Variants in EVI5L observed in about 807,000 individuals in gnomAD.
EVI5L encodes EVI5-like protein.
Under a neutral mutation model 106.1 loss-of-function variants are expected in EVI5L, and 30 were observed. The observed-to-expected ratio is 0.28, with a 90% CI of 0.21 to 0.38. The LOEUF (loss-of-function observed/expected upper bound fraction) is 0.38, where lower values mean the gene tolerates loss of function less well. Ranked by LOEUF, EVI5L falls within the 10% of genes least tolerant of loss-of-function variation. The pLI, the probability that EVI5L is intolerant of heterozygous loss-of-function variation, is 1.00. For missense variants in EVI5L, 809 were observed against 1,098.0 expected, an observed-to-expected ratio of 0.74 and a Z score of 3.72; for synonymous variants, 489 against 483.3, an observed-to-expected ratio of 1.01 and a Z score of -0.15.
chr19:7,845,495 C>A lies in EVI5L; in HGVS notation c.-47-1001C>A, dbSNP rs1198853238. Among the ~76,000 whole-genome samples, 1 of 152,176 alleles carries A rather than the reference C, an allele frequency of 6.6e-6. No homozygotes were observed. Among genetic ancestry groups the A allele is most frequent in the Non-Finnish European group, 1.5e-5 (1 of 68,036 alleles). On this transcript the variant is annotated intron_variant, in intron 1 of 19. Transcript: ENST00000538904. The surrounding 1 kb of genome is among the most constrained non-coding windows in gnomAD (Gnocchi z 4.0). ...TGGGGCCATCACTGAGTGTCAGGCT[C>A]TGTTCTGACCAGGTTATGTGCAGTC...
rs1271163480 is a variant in EVI5L at position 7,863,587 on chromosome 19, C to T, written c.2303C>T (p.Pro768Leu). The change falls in exon 20 of 20, where the codon CCG becomes CTG. Residue 768 changes from proline to leucine, a missense_variant. By Grantham distance (98) the Pro-to-Leu change is moderately conservative. Transcript: ENST00000538904. This position sits in a 1 kb window ranked among gnomAD's most constrained non-coding sequence, Gnocchi z 7.7. Reference protein sequence around the residue: ...ALQDALYPLSPRDARFFRRLE... With the variant: ...ALQDALYPLSLRDARFFRRLE... ...CAGGACGCATTGTACCCTCTGTCCCCGCGCGATGCGCGCTTCTTCCGCCGT... is the reference window on the plus strand; with the variant it reads ...CAGGACGCATTGTACCCTCTGTCCCTGCGCGATGCGCGCTTCTTCCGCCGT... 1.3e-6 allele frequency: 2 copies of T among 1,585,304 alleles called. No individual in the cohort carries two copies. The highest frequency in any genetic ancestry group is 8.6e-7 in the Non-Finnish European group (1 of 1,166,648).
In EVI5L at chr19:7,846,429, G is replaced by A. The variant is rs536593042; in HGVS notation, c.-47-67G>A. 237 of 1,403,652 alleles carry A rather than the reference G, an allele frequency of 1.7e-4. 1 individual carries two copies. Among genetic ancestry groups the A allele is most frequent in the African/African-American group, 1.7e-4 (12 of 69,070 alleles). The allele number at this position is 1,403,652 out of a possible 1,614,324, so 86.9% of individuals were successfully genotyped here. A position where few individuals can be genotyped will look rare whatever the true frequency, so the allele number is the denominator to read the frequency against. ...GAAGCCCAGGGTGAGGAAATGTCCC[G>A]AGGGTGGGCAGGCAGGATGGAGTGG... On this transcript the variant is annotated intron_variant, in intron 1 of 19. Transcript: ENST00000538904.
In EVI5L at chr19:7,857,988, T is replaced by G; in HGVS notation, c.1234-203T>G. On this transcript the variant is annotated intron_variant, in intron 12 of 19. Coordinates refer to ENST00000538904, the MANE Select transcript of EVI5L (RefSeq NM_001159944.3). The surrounding 1 kb of genome is among the most constrained non-coding windows in gnomAD (Gnocchi z 4.5). ...GCTAGCTCTGTTCCTCCCGGGCTCCTCCAGGTGTCCTATTCCTGCCTGTCA... is the reference window on the plus strand; with the variant it reads ...GCTAGCTCTGTTCCTCCCGGGCTCCGCCAGGTGTCCTATTCCTGCCTGTCA... 1.7e-6 allele frequency: 1 copy of G among 594,652 alleles called. No homozygotes were observed. The highest frequency in any genetic ancestry group is 3.0e-6 in the Non-Finnish European group (1 of 338,396). 36.8% of individuals were successfully genotyped at this position (594,652 alleles called of 1,614,324 possible). A position where few individuals can be genotyped will look rare whatever the true frequency, so the allele number is the denominator to read the frequency against.
rs764314362 is a variant in EVI5L, at chr19:7,847,891, G to A, written c.297G>A (p.Glu99=). ...LWGRIANEWE[E]WRRRKEKLLK... ...GCCGGATCGCCAACGAGTGGGAGGA[G>A]TGGCGGCGCAGGAAGGAGAAGCTGC... Residue 99 remains glutamate, a synonymous_variant, in exon 3 of 20, where the codon GAG becomes GAA. Transcript: ENST00000538904. The A allele has an allele frequency of 6.4e-7, 1 of 1,570,942 alleles. No homozygotes were observed. The highest frequency in any genetic ancestry group is 8.6e-7 in the Non-Finnish European group (1 of 1,157,648).
At position 7,850,171 on chromosome 19, in the gene EVI5L, G is replaced by A. The variant is rs1392741825; in HGVS notation, c.753+49G>A. 1 of 1,572,166 alleles carries A rather than the reference G, an allele frequency of 6.4e-7. No individual in the cohort carries two copies. Among genetic ancestry groups the A allele is most frequent in the South Asian group, 1.2e-5 (1 of 86,410 alleles). On this transcript the variant is annotated intron_variant, in intron 6 of 19. Transcript: ENST00000538904. This position sits in a 1 kb window ranked among gnomAD's most constrained non-coding sequence, Gnocchi z 5.4. ...GGGCTGCAGGAGGGCAGGGCCACAG[G>A]TGGGCAGGGCCGCAAGGGAGCAGGA...
At position 7,863,187 on chromosome 19, in the gene EVI5L, G is replaced by A. The variant is rs773431768; in HGVS notation, c.2046G>A (p.Arg682=). ...GCGTGACCTGGCGCACCCCGCAGAG[G>A]GAGGAAGGCCGCATCCAGGGCCAGC... ...RQRIAELEIQ[R]EEGRIQGQLN... is the part of the protein sequence containing the mutation. The change falls in exon 19 of 20, where the codon AGG becomes AGA. Residue 682 remains arginine, a splice_region_variant and synonymous_variant. Transcript: ENST00000538904. This position sits in a 1 kb window ranked among gnomAD's most constrained non-coding sequence, Gnocchi z 7.7. The A allele has an allele frequency of 5.1e-6, 8 of 1,555,782 alleles. No individual in the cohort carries two copies. In the East Asian group the frequency reaches 9.5e-5, roughly 19 times the overall value.
intron 17 of EVI5L, 101 bp downstream of exon 17, chr19:7,862,635 C>G (rs1451102386): frequency 1.6e-5 from 17 of 1,084,964 alleles, no homozygotes; most frequent in Non-Finnish European, 1.6e-5. Context: ...GTCCTGCCTC[C>G]CGATCTGCCC....
At chr19:7,849,440 G>A in intron 5 of EVI5L, 110 bp downstream of exon 5, 4 of 1,188,722 alleles carry the variant, frequency 3.4e-6, no homozygotes, top group South Asian at 2.8e-5. Flanking sequence ...TCTTGCTAGG[G>A]GTAGATCCTC....
At position 7,857,958 on chromosome 19, in the gene EVI5L, C is replaced by A; in HGVS notation, c.1234-233C>A. 1 of 531,458 alleles carries A rather than the reference C, an allele frequency of 1.9e-6. No homozygotes were observed. Among genetic ancestry groups the A allele is most frequent in the Non-Finnish European group, 3.4e-6 (1 of 297,702 alleles). The allele number at this position is 531,458 out of a possible 1,614,324, so 32.9% of individuals were successfully genotyped here. On this transcript the variant is annotated intron_variant, in intron 12 of 19. Coordinates refer to ENST00000538904, the MANE Select transcript of EVI5L (RefSeq NM_001159944.3). The surrounding 1 kb of genome is among the most constrained non-coding windows in gnomAD (Gnocchi z 4.5). ...GGGAAGGAGATGGAGCTTTCCAAGC[C>A]CAGGGCTAGCTCTGTTCCTCCCGGG...
intron 1 of EVI5L, among the ~76,000 whole-genome samples, chr19:7,837,962 C>T (rs982725508): frequency 3.3e-5 from 5 of 152,092 alleles, no homozygotes; most frequent in African/African-American, 4.8e-5. Context: ...CTCAGCCTCC[C>T]GAAGTGCTGG....
chr19:7,831,471 C>G (rs2146407157), intron 1 of EVI5L, among the ~76,000 whole-genome samples: 1 of 152,222 alleles, frequency 6.6e-6, no homozygotes, highest in East Asian at 1.9e-4. Context: ...CTGCCGCACC[C>G]CAGGAAGCCA....
intron 1 of EVI5L, among the ~76,000 whole-genome samples, chr19:7,842,762 G>A (rs967921253): frequency 2.9e-5 from 2 of 69,976 alleles, no homozygotes; most frequent in African/African-American, 4.1e-5. Flanking sequence ...CTGGGTGTGT[G>A]TGTATATGAG....
At chr19:7,847,670 T>C (rs1055112177) in intron 2 of EVI5L, 62 bp from the exon 3 acceptor site, 12 of 1,563,090 alleles carry the variant, frequency 7.7e-6, no homozygotes, top group Non-Finnish European at 1.0e-5. Flanking sequence ...TGGGCTGGGC[T>C]CGCCAAGGAT....
In EVI5L at chr19:7,848,841, C is replaced by G; in HGVS notation, c.328-80C>G. 1 of 1,395,584 alleles carries G rather than the reference C, an allele frequency of 7.2e-7. No individual in the cohort carries two copies. The highest frequency in any genetic ancestry group is 9.9e-7 in the Non-Finnish European group (1 of 1,010,304). 86.5% of individuals were successfully genotyped at this position (1,395,584 alleles called of 1,614,324 possible). A position where few individuals can be genotyped will look rare whatever the true frequency, so the allele number is the denominator to read the frequency against. ...ATGCTTGAGGCCTGGATGAGCCACG[C>G]CTGAGGAGCTGGGCTGGGTGGCCAC... On this transcript the variant is annotated intron_variant, in intron 3 of 19. Transcript: ENST00000538904. The surrounding 1 kb of genome is among the most constrained non-coding windows in gnomAD (Gnocchi z 4.8).
rs966277257 is a variant in EVI5L, at chr19:7,856,259, T to C, written c.1200+191T>C. On this transcript the variant is annotated intron_variant, in intron 11 of 19. Transcript: ENST00000538904. The surrounding 1 kb of genome is among the most constrained non-coding windows in gnomAD (Gnocchi z 6.6). ...GCCCTGCAACTGGGGGCGACTCGTATGGTGATTAATCCTGGAGTGGGGGCG... is the reference window on the plus strand; with the variant it reads ...GCCCTGCAACTGGGGGCGACTCGTACGGTGATTAATCCTGGAGTGGGGGCG... Among the ~76,000 whole-genome samples, 18 of 152,056 alleles carry C rather than the reference T, an allele frequency of 1.2e-4. No homozygotes were observed. Among genetic ancestry groups the C allele is most frequent in the African/African-American group, 4.3e-4 (18 of 41,404 alleles).
chr19:7,850,338 T>A lies in EVI5L; in HGVS notation c.753+216T>A, dbSNP rs1979180348. ...ATGCAGCACTGCCCTGAAGGATGCT[T>A]GGAGGAACAGGAGAGCCACCACTGA... On this transcript the variant is annotated intron_variant, in intron 6 of 19. Coordinates refer to ENST00000538904, the MANE Select transcript of EVI5L (RefSeq NM_001159944.3). The surrounding 1 kb of genome is among the most constrained non-coding windows in gnomAD (Gnocchi z 5.4). Among the ~76,000 whole-genome samples, 1 of 151,930 alleles carries A rather than the reference T, an allele frequency of 6.6e-6. No individual in the cohort carries two copies. The highest frequency in any genetic ancestry group is 6.6e-5 in the Admixed American group (1 of 15,266).
Position 7,856,451 on chromosome 19 carries a change from T to C in EVI5L, c.1200+383T>C, listed in dbSNP as rs1362819716. ...ACCCTGTAATTTGGAAGTCTTGCCC[T>C]CAAAAGAAAGGAAAGGAAACCCAGT... On this transcript the variant is annotated intron_variant, in intron 11 of 19. Transcript: ENST00000538904. The surrounding 1 kb of genome is among the most constrained non-coding windows in gnomAD (Gnocchi z 6.6). Among the ~76,000 whole-genome samples, 1 of 151,806 alleles carries C rather than the reference T, an allele frequency of 6.6e-6. No homozygotes were observed. Among genetic ancestry groups the C allele is most frequent in the Non-Finnish European group, 1.5e-5 (1 of 67,932 alleles).
rs2146443147 is a variant in EVI5L, at chr19:7,863,848, G to T, written c.*146G>T. Reference sequence around the variant, plus strand: ...CCCTAAAGCGAGGCCCGGCGAGGCAGCGCAGAGGGTAGGGTCCGACCTGGG... The same window carrying T: ...CCCTAAAGCGAGGCCCGGCGAGGCATCGCAGAGGGTAGGGTCCGACCTGGG... On this transcript the variant is annotated 3_prime_UTR_variant, in exon 20 of 20. Coordinates refer to ENST00000538904, the MANE Select transcript of EVI5L (RefSeq NM_001159944.3). The surrounding 1 kb of genome is among the most constrained non-coding windows in gnomAD (Gnocchi z 7.7). The T allele has an allele frequency of 8.4e-7, 1 of 1,185,094 alleles. No individual in the cohort carries two copies. The highest frequency in any genetic ancestry group is 1.1e-6 in the Non-Finnish European group (1 of 886,280). 73.4% of individuals were successfully genotyped at this position (1,185,094 alleles called of 1,614,324 possible). A position where few individuals can be genotyped will look rare whatever the true frequency, so the allele number is the denominator to read the frequency against.
In EVI5L at chr19:7,857,175, G is replaced by T; in HGVS notation, c.1233+51G>T. On this transcript the variant is annotated intron_variant, in intron 12 of 19. Transcript: ENST00000538904. This position sits in a 1 kb window ranked among gnomAD's most constrained non-coding sequence, Gnocchi z 4.5. ...CGGATTCCTTCCTGGCCCCTTCCCT[G>T]CACCCTGCACATGACAGCCAGTAAC... 6.5e-7 allele frequency: 1 copy of T among 1,547,308 alleles called. No individual in the cohort carries two copies. Among genetic ancestry groups the T allele is most frequent in the Admixed American group, 2.0e-5 (1 of 51,006 alleles).
Sources: allele counts gnomAD v4.1 joint callset (sites outside exome capture counted in the v4.1 genomes callset), GRCh38; gene constraint gnomAD v4.1.1; non-coding constraint Gnocchi (gnomAD v3.1); transcripts MANE v1.5; gene names NCBI Gene and HGNC (gene_info 2026-07-23, HGNC 2026-07-21).